Variants in KLHL8 observed in about 807,000 individuals in gnomAD.
The protein encoded by KLHL8 is kelch like family member 8, also known as kelch-like protein 8.
Under a neutral mutation model 63.5 loss-of-function variants are expected in KLHL8, and 38 were observed. The observed-to-expected ratio is 0.60, with a 90% CI of 0.46 to 0.78. The LOEUF is 0.78. Among genes scored for constraint, KLHL8 ranks in the 30% least tolerant of loss-of-function variants. KLHL8 has a pLI of 0.00. For missense variants in KLHL8, 566 were observed against 752.4 expected (o/e 0.75, Z 2.90); for synonymous variants, 224 against 254.3 (o/e 0.88, Z 1.13).
intron 1 of KLHL8, among the ~76,000 whole-genome samples, chr4:87,216,007 G>C (rs1031809653): frequency 6.6e-6 from 1 of 152,108 alleles, no homozygotes; most frequent in Admixed American, 6.5e-5. Context: ...TTAACATTGG[G>C]TGTTTTGTTG....
chr4:87,178,335 G>A, intron 5 of KLHL8, 142 bp downstream of exon 5: 2 of 860,864 alleles, frequency 2.3e-6, no homozygotes, highest in South Asian at 3.9e-5. Flanking sequence ...CACAAAGCAA[G>A]TAAATTATCA....
At chr4:87,219,601 G>C (rs1376796430) in intron 1 of KLHL8, 1 of 152,316 alleles carries the variant, frequency 6.6e-6, no homozygotes, top group Non-Finnish European at 1.5e-5. Flanking sequence ...AACAGTGCAA[G>C]TCCAGTAAAG....
At position 87,189,921 on chromosome 4, in the gene KLHL8, C is replaced by T. The variant is rs1470065474; in HGVS notation, c.217-4122G>A. On this transcript the variant is annotated intron_variant, in intron 2 of 9. Coordinates refer to ENST00000273963, the MANE Select transcript of KLHL8 (RefSeq NM_020803.5). ...TGGTGGCACGCGCCTGTAGTCCCAG[C>T]TACTTGGGAGGCTGAGGCAGGAGAA... Among the ~76,000 whole-genome samples the T allele has an allele frequency of 9.3e-5, 14 of 150,502 alleles. No homozygotes were observed. In the Admixed American group the frequency reaches 9.3e-4, roughly 10 times the overall value.
At chr4:87,187,586 T>C (rs1239178036) in intron 2 of KLHL8, among the ~76,000 whole-genome samples, 1 of 152,062 alleles carries the variant, frequency 6.6e-6, no homozygotes, top group Non-Finnish European at 1.5e-5. Context: ...ATAAAAACCC[T>C]ATGGATTTTT....
At chr4:87,229,094 A>T (rs1419751117) in intron 1 of KLHL8, among the ~76,000 whole-genome samples, 1 of 152,254 alleles carries the variant, frequency 6.6e-6, no homozygotes, top group Non-Finnish European at 1.5e-5. Flanking sequence ...CTCACAGGTG[A>T]AACTAGACTA....
rs561778268 is a variant in KLHL8, at chr4:87,164,916, A to AG, written c.1538-838dup. ...GTAATCCCAGCACTTTGGGAGGCCA[A>AG]GGGGGGCCGATCACGAGGTCAGGAG... is the stretch of plus-strand genomic sequence containing the variant. On this transcript the variant is annotated intron_variant, in intron 8 of 9. Transcript: ENST00000273963. 3.0e-3 allele frequency among the ~76,000 whole-genome samples: 455 copies of AG among 152,178 alleles called. 5 individuals are homozygous for AG. The highest frequency in any genetic ancestry group is 9.7e-3 in the African/African-American group (403 of 41,504).
rs140525607 is a variant in KLHL8, at chr4:87,212,530, A to G, written c.-152+7888T>C. Among the ~76,000 whole-genome samples the G allele has an allele frequency of 4.6e-4, 70 of 152,216 alleles. 1 individual carries two copies. The East Asian group carries it at 8.3e-3, about 18-fold the overall frequency. On this transcript the variant is annotated intron_variant, in intron 1 of 9. Transcript: ENST00000273963. Reference sequence around the variant, plus strand: ...AGGGAGGTCAAGGCTGTAGTGAGCCATGATCTTGCCAGTGGACTCCAGCCT... The same window carrying G: ...AGGGAGGTCAAGGCTGTAGTGAGCCGTGATCTTGCCAGTGGACTCCAGCCT...
chr4:87,170,258 C>A lies in KLHL8; in HGVS notation c.1378-20G>T. On this transcript the variant is annotated intron_variant, in intron 7 of 9. Transcript: ENST00000273963. ...ATGGTTCTAAATGAAGAGAGTCAAA[C>A]AAAACACATTAGATTTCGAATTTAT... 1.0e-5 allele frequency: 16 copies of A among 1,594,954 alleles called. No homozygotes were observed. Among genetic ancestry groups the A allele is most frequent in the Non-Finnish European group, 1.4e-5 (16 of 1,171,414 alleles).
intron 2 of KLHL8, among the ~76,000 whole-genome samples, chr4:87,191,753 CCCA>C (rs1731498720): frequency 6.6e-6 from 1 of 151,092 alleles, no homozygotes; most frequent in African/African-American, 2.4e-5. Context: ...AATTCATACC[CCCA>C]CCGCCTTCCC....
chr4:87,192,812 T>C (rs1365537249), intron 2 of KLHL8, among the ~76,000 whole-genome samples: 3 of 152,216 alleles, frequency 2.0e-5, no homozygotes, highest in Non-Finnish European at 4.4e-5. Flanking sequence ...ATTACTGTAC[T>C]GCACACTGTA....
At chr4:87,214,155 T>C (rs1189821391) in intron 1 of KLHL8, among the ~76,000 whole-genome samples, 1 of 151,314 alleles carries the variant, frequency 6.6e-6, no homozygotes, top group Non-Finnish European at 1.5e-5. Flanking sequence ...ATGCTCTACA[T>C]GAGATTGCAA....
intron 8 of KLHL8, chr4:87,167,253 C>A: frequency 2.0e-6 from 1 of 496,446 alleles, no homozygotes. Flanking sequence ...GGTTGTCATC[C>A]CAGGACAGGA....
chr4:87,168,326 T>C (rs1331038741), intron 8 of KLHL8, among the ~76,000 whole-genome samples: 1 of 152,070 alleles, frequency 6.6e-6, no homozygotes, highest in Non-Finnish European at 1.5e-5. Context: ...GCCGTGAAAT[T>C]AGGGCTCAAT....
At chr4:87,207,602 G>A in intron 1 of KLHL8, 2 of 1,211,642 alleles carry the variant, frequency 1.7e-6, no homozygotes, top group East Asian at 2.3e-5. Flanking sequence ...ATCGTGGAAG[G>A]ACTCATGACT....
intron 2 of KLHL8, among the ~76,000 whole-genome samples, chr4:87,190,747 A>T (rs907962015): frequency 2.6e-5 from 4 of 152,120 alleles, no homozygotes; most frequent in African/African-American, 4.8e-5. Context: ...ATAGTTCTTG[A>T]GACTAGAAAG....
At chr4:87,216,500 C>T (rs1011361609) in intron 1 of KLHL8, among the ~76,000 whole-genome samples, 11 of 152,148 alleles carry the variant, frequency 7.2e-5, no homozygotes, top group South Asian at 2.1e-4. Flanking sequence ...AATTTTTCCC[C>T]AGAAAAGTAT....
At chr4:87,233,091 G>A (rs1247586707) in intron 1 of KLHL8, among the ~76,000 whole-genome samples, 5 of 151,932 alleles carry the variant, frequency 3.3e-5, no homozygotes, top group Non-Finnish European at 2.9e-5. Flanking sequence ...CAAGGCTGGG[G>A]TGTAGTGACA....
chr4:87,164,142 A>G (rs909242939), intron 8 of KLHL8, 63 bp from the exon 9 acceptor site: 12 of 1,386,004 alleles, frequency 8.7e-6, no homozygotes. Context: ...CTAAATTTCA[A>G]TTCAATGGCT....
intron 1 of KLHL8, among the ~76,000 whole-genome samples, chr4:87,209,674 C>T (rs1732307441): frequency 6.6e-6 from 1 of 152,142 alleles, no homozygotes; most frequent in Admixed American, 6.5e-5. Flanking sequence ...TCACATTTAG[C>T]ATGTGATATT....
Sources: gnomAD v4.1 joint callset for allele counts (sites outside exome capture counted in the v4.1 genomes callset) on GRCh38, gnomAD v4.1.1 for gene constraint, MANE v1.5 for transcripts, NCBI Gene and HGNC (gene_info 2026-07-23, HGNC 2026-07-21) for gene names.